The following PM20D2 variants were observed in gnomAD, a reference collection of about 807,000 sequenced individuals.
The protein encoded by PM20D2 is peptidase M20 domain containing 2, also known as xaa-Arg dipeptidase.
Under a neutral mutation model 42.9 loss-of-function variants are expected in PM20D2, and 33 were observed. The observed-to-expected ratio is 0.77, with a 90% confidence interval of 0.58 to 1.03. PM20D2 has a LOEUF of 1.03. Among genes scored for constraint, PM20D2 ranks in the 50% least tolerant of loss-of-function variants. The pLI is 0.00. For missense variants in PM20D2, 548 were observed against 557.0 expected, an observed-to-expected ratio of 0.98 and a Z score of 0.16; for synonymous variants, 250 against 228.2, an observed-to-expected ratio of 1.10 and a Z score of -0.86.
the PM20D2 span, among the ~76,000 whole-genome samples, chr6:89,140,057 A>C: frequency 6.6e-6 from 1 of 152,256 alleles, no homozygotes; most frequent in South Asian, 2.1e-4. Context: ...GCACATGCAG[A>C]GACAGAGAGC....
Position 89,146,423 on chromosome 6 carries a change from G to C in PM20D2, c.279G>C (p.Pro93=). The C allele has an allele frequency of 6.6e-7, 1 of 1,523,642 alleles. No individual in the cohort carries two copies. Among genetic ancestry groups the C allele is most frequent in the Admixed American group, 2.0e-5 (1 of 50,118 alleles). The allele number at this position is 1,523,642 out of a possible 1,614,324, so 94.4% of individuals were successfully genotyped here. A position where few individuals can be genotyped will look rare whatever the true frequency, so the allele number is the denominator to read the frequency against. ...LPTAFRAEWE[P]PEARAPSATP... is the part of the protein sequence containing the mutation. Reference sequence around the variant, plus strand: ...CGGCCTTCCGCGCCGAGTGGGAGCCGCCGGAGGCCCGGGCACCGAGCGCCA... The same window carrying C: ...CGGCCTTCCGCGCCGAGTGGGAGCCCCCGGAGGCCCGGGCACCGAGCGCCA... The change falls in exon 1 of 7, where the codon CCG becomes CCC. Residue 93 remains proline (P), a synonymous_variant. Transcript: ENST00000275072.
At chr6:89,120,125 G>A in the PM20D2 span, among the ~76,000 whole-genome samples, 3 of 152,272 alleles carry the variant, frequency 2.0e-5, no homozygotes, top group Non-Finnish European at 4.4e-5. Context: ...ACAGTATGGG[G>A]AACTGCCCCC....
At chr6:89,104,389 T>C in the PM20D2 span, among the ~76,000 whole-genome samples, 3 of 151,926 alleles carry the variant, frequency 2.0e-5, no homozygotes, top group Non-Finnish European at 4.4e-5. Context: ...GGTGCGTGGC[T>C]ACCACACCCA....
At chr6:89,129,387 C>T in the PM20D2 span, among the ~76,000 whole-genome samples, 6 of 152,144 alleles carry the variant, frequency 3.9e-5, no homozygotes, top group East Asian at 1.9e-4. Flanking sequence ...GGGAGGCCAA[C>T]GCAGGAGGAT....
At chr6:89,130,819 C>CCTTTTTTTTTTTTTTTTTTTTTTT in the PM20D2 span, among the ~76,000 whole-genome samples, 2 of 24,038 alleles carry the variant, frequency 8.3e-5, no homozygotes, top group Admixed American at 7.1e-4. Context: ...GCTTCTTCTT[C>CCTTTTTTTTTTTTTTTTTTTTTTT]TTTTTTTTTT....
chr6:89,163,880 A>G lies in PM20D2; in HGVS notation c.*1617A>G, dbSNP rs185137951. On this transcript the variant is annotated 3_prime_UTR_variant, in exon 7 of 7. Coordinates refer to ENST00000275072, the MANE Select transcript of PM20D2 (RefSeq NM_001010853.3). ...GCTATGTTAAATTTGTAGACTTTAA[A>G]AGATGTTATCTAAATTAATGGTTTA... is the stretch of plus-strand genomic sequence containing the variant. 11 of 152,308 alleles carry G rather than the reference A, an allele frequency of 7.2e-5. No individual in the cohort carries two copies. In the East Asian group the frequency reaches 1.9e-3, roughly 27 times the overall value. The allele number at this position is 152,308 out of a possible 1,614,324, so 9.4% of individuals were successfully genotyped here.
the PM20D2 span, among the ~76,000 whole-genome samples, chr6:89,104,288 G>C: frequency 1.4e-5 from 2 of 147,242 alleles, no homozygotes; most frequent in African/African-American, 5.1e-5. Context: ...TCAGGCTGGA[G>C]TGCAATGGCG....
intron 4 of PM20D2, among the ~76,000 whole-genome samples, chr6:89,155,941 A>G (rs1045886210): frequency 1.6e-4 from 24 of 150,684 alleles, no homozygotes; most frequent in South Asian, 2.1e-4. Context: ...CTGGAGTGCA[A>G]TGGCGCAATC....
At chr6:89,155,808 T>C (rs182733894) in intron 4 of PM20D2, among the ~76,000 whole-genome samples, 16 of 152,118 alleles carry the variant, frequency 1.1e-4, no homozygotes, top group South Asian at 2.1e-4. Context: ...GCCTCCTGGG[T>C]TCAAGCGATT....
Position 89,159,504 on chromosome 6 carries a change from C to T in PM20D2, c.1048+1044C>T, listed in dbSNP as rs181815605. On this transcript the variant is annotated intron_variant, in intron 5 of 6. Transcript: ENST00000275072. Reference sequence around the variant, plus strand: ...AGTATAAGACCAGTGGTACCAGATGCTGGGTCTCACTTCTCTACCCAGGGC... The same window carrying T: ...AGTATAAGACCAGTGGTACCAGATGTTGGGTCTCACTTCTCTACCCAGGGC... Among the ~76,000 whole-genome samples the T allele has an allele frequency of 1.7e-3, 261 of 152,280 alleles. 1 individual carries two copies. Among genetic ancestry groups the T allele is most frequent in the African/African-American group, 6.0e-3 (251 of 41,550 alleles).
chr6:89,111,728 A>T, the PM20D2 span, among the ~76,000 whole-genome samples: 1 of 152,168 alleles, frequency 6.6e-6, no homozygotes, highest in Non-Finnish European at 1.5e-5. Context: ...TAAGGAAAGC[A>T]TTGTCTTTCA....
chr6:89,104,077 T>C, the PM20D2 span, among the ~76,000 whole-genome samples: 1 of 138,524 alleles, frequency 7.2e-6, no homozygotes, highest in Non-Finnish European at 1.5e-5. Flanking sequence ...CCTCAAGTGA[T>C]ACTCCCACCT....
chr6:89,146,471 C>T lies in PM20D2; in HGVS notation c.327C>T (p.Gly109=). 3.3e-6 allele frequency: 5 copies of T among 1,524,174 alleles called. No individual in the cohort carries two copies. The highest frequency in any genetic ancestry group is 4.4e-6 in the Non-Finnish European group (5 of 1,143,100). 94.4% of individuals were successfully genotyped at this position (1,524,174 alleles called of 1,614,324 possible). A position where few individuals can be genotyped will look rare whatever the true frequency, so the allele number is the denominator to read the frequency against. Residue 109 remains glycine, a synonymous_variant, in exon 1 of 7, where the codon GGC becomes GGT. Transcript: ENST00000275072. ...PSATPRPLHL[G]FLCEYDALPG... is the part of the protein sequence containing the mutation. ...CCACGCCACGCCCGCTGCACCTGGGCTTCCTCTGCGAGTACGACGCGCTGC... is the reference window on the plus strand; with the variant it reads ...CCACGCCACGCCCGCTGCACCTGGGTTTCCTCTGCGAGTACGACGCGCTGC...
chr6:89,150,033 A>G (rs1203540794), intron 2 of PM20D2, among the ~76,000 whole-genome samples: 7 of 152,196 alleles, frequency 4.6e-5, no homozygotes, highest in Non-Finnish European at 1.0e-4. Flanking sequence ...TTTCAACCAT[A>G]GTAGTAACTA....
rs1771300761 is a variant in PM20D2, at chr6:89,163,114, T to TA, written c.*852dup. ...ATGTGTGTTGGTATTTTTAAATTGT[T>TA]ACAGTATCTAGCATATTGCTTACTC... On this transcript the variant is annotated 3_prime_UTR_variant, in exon 7 of 7. Coordinates refer to ENST00000275072, the MANE Select transcript of PM20D2 (RefSeq NM_001010853.3). 1 of 152,186 alleles carries TA rather than the reference T, an allele frequency of 6.6e-6. No homozygotes were observed. Among genetic ancestry groups the TA allele is most frequent in the Non-Finnish European group, 1.5e-5 (1 of 68,034 alleles). 9.4% of individuals were successfully genotyped at this position (152,186 alleles called of 1,614,324 possible). A position where few individuals can be genotyped will look rare whatever the true frequency, so the allele number is the denominator to read the frequency against.
the PM20D2 span, among the ~76,000 whole-genome samples, chr6:89,134,709 A>T: frequency 6.6e-6 from 1 of 151,216 alleles, no homozygotes; most frequent in Admixed American, 6.6e-5. Flanking sequence ...TTACAAATAC[A>T]AAATTAGATA....
chr6:89,111,160 G>A, the PM20D2 span, among the ~76,000 whole-genome samples: 3 of 151,006 alleles, frequency 2.0e-5, no homozygotes, highest in African/African-American at 7.3e-5. Flanking sequence ...CCAGACTGGA[G>A]TACTGTGGCA....
At chr6:89,098,403 T>C in the PM20D2 span, 1 of 786,250 alleles carries the variant, frequency 1.3e-6, no homozygotes, top group Non-Finnish European at 1.8e-6. Flanking sequence ...GTGTGGGCCC[T>C]TTAAATGGAG....
At chr6:89,113,183 A>T in the PM20D2 span, among the ~76,000 whole-genome samples, 1 of 150,990 alleles carries the variant, frequency 6.6e-6, no homozygotes, top group African/African-American at 2.4e-5. Context: ...CCAATGATTT[A>T]TTTTTTTTTG....
Sources: gnomAD v4.1 joint callset for allele counts (sites outside exome capture counted in the v4.1 genomes callset) on GRCh38, gnomAD v4.1.1 for gene constraint, MANE v1.5 for transcripts, NCBI Gene and HGNC (gene_info 2026-07-23, HGNC 2026-07-21) for gene names.